SYT1: variants seen among roughly 807,000 people sequenced by gnomAD.
The protein encoded by SYT1 is synaptotagmin-1.
Under a neutral mutation model 44.8 loss-of-function variants are expected in SYT1, and 8 were observed. The observed-to-expected ratio is 0.18, with a 90% CI of 0.10 to 0.32. SYT1 has a LOEUF of 0.32. Among genes scored for constraint, SYT1 ranks in the 10% least tolerant of loss-of-function variants. The pLI, the probability that SYT1 is intolerant of heterozygous loss-of-function variation, is 1.00. For synonymous variants in SYT1, 154 were observed against 188.8 expected, an observed-to-expected ratio of 0.82 and a Z score of 1.51; for missense variants, 286 against 509.3, an observed-to-expected ratio of 0.56 and a Z score of 4.22.
intron 9 of SYT1, among the ~76,000 whole-genome samples, chr12:79,381,934 A>G (rs1197665789): frequency 6.6e-6 from 1 of 152,200 alleles, no homozygotes; most frequent in East Asian, 1.9e-4. Context: ...AGGGGCGTCT[A>G]TCTGGCTAGG....
chr12:79,375,406 G>A (rs1883953840), intron 9 of SYT1, among the ~76,000 whole-genome samples: 1 of 152,186 alleles, frequency 6.6e-6, no homozygotes, highest in Non-Finnish European at 1.5e-5. Context: ...GCTAAGAAAT[G>A]AAGTTAGAGA....
At chr12:79,387,057 A>G (rs1009703170) in intron 9 of SYT1, among the ~76,000 whole-genome samples, 3 of 152,222 alleles carry the variant, frequency 2.0e-5, no homozygotes, top group Admixed American at 1.3e-4. Context: ...GGAGATAGAT[A>G]TATTATTGCA....
rs370598976 is a variant in SYT1 at position 79,048,711 on chromosome 12, C to T, written c.-18+1349C>T. ...TATTTTGAGTATTCAGAGCAGGTTACGGGCATGTTTACATAGTTCTGGGTA... is the reference window on the plus strand; with the variant it reads ...TATTTTGAGTATTCAGAGCAGGTTATGGGCATGTTTACATAGTTCTGGGTA... On this transcript the variant is annotated intron_variant, in intron 3 of 10. Transcript: ENST00000261205. 1.8e-4 allele frequency among the ~76,000 whole-genome samples: 28 copies of T among 152,006 alleles called. No individual in the cohort carries two copies. The East Asian group carries it at 5.2e-3, about 28-fold the overall frequency.
rs1872061142 is a variant in SYT1, at chr12:79,019,746, G to T, written c.-83-27551G>T. ...TTTCATGTCAGAGAAACATAAAACTGCTGATTAGAGAAACCAGGAGTAAAA... is the reference window on the plus strand; with the variant it reads ...TTTCATGTCAGAGAAACATAAAACTTCTGATTAGAGAAACCAGGAGTAAAA... On this transcript the variant is annotated intron_variant, in intron 2 of 10. Transcript: ENST00000261205. 1.3e-5 allele frequency among the ~76,000 whole-genome samples: 2 copies of T among 151,864 alleles called. 1 individual carries two copies. The highest frequency in any genetic ancestry group is 4.1e-4 in the South Asian group (2 of 4,824).
intron 2 of SYT1, among the ~76,000 whole-genome samples, chr12:78,997,151 G>A (rs1484385507): frequency 6.6e-6 from 1 of 152,146 alleles, no homozygotes; most frequent in Non-Finnish European, 1.5e-5. Context: ...AAAGTTATTT[G>A]ATTTTTCTAT....
intron 4 of SYT1, among the ~76,000 whole-genome samples, chr12:79,235,414 G>A (rs888430224): frequency 2.0e-5 from 3 of 151,862 alleles, no homozygotes; most frequent in African/African-American, 7.2e-5. Flanking sequence ...AGAAAATATA[G>A]ACAATAATTT....
chr12:79,139,171 C>T (rs763651084), intron 3 of SYT1, among the ~76,000 whole-genome samples: 7 of 152,130 alleles, frequency 4.6e-5, no homozygotes, highest in Non-Finnish European at 1.0e-4. Context: ...CAGCTCACAG[C>T]CTCATTCCTT....
At chr12:79,141,426 T>C (rs1049231070) in intron 3 of SYT1, among the ~76,000 whole-genome samples, 4 of 152,150 alleles carry the variant, frequency 2.6e-5, no homozygotes, top group Admixed American at 6.5e-5. Flanking sequence ...ATATATATAA[T>C]ATTAGACATG....
At chr12:79,090,270 T>C (rs1355786309) in intron 3 of SYT1, among the ~76,000 whole-genome samples, 2 of 152,084 alleles carry the variant, frequency 1.3e-5, no homozygotes, top group African/African-American at 4.8e-5. Flanking sequence ...TACAGCCTGT[T>C]CAAATTTTGA....
chr12:79,016,902 C>T (rs1388995212), intron 2 of SYT1, among the ~76,000 whole-genome samples: 6 of 151,992 alleles, frequency 3.9e-5, no homozygotes. Flanking sequence ...AAATCCACTC[C>T]ACTATGTACT....
At position 79,146,075 on chromosome 12, in the gene SYT1, T is replaced by G. The variant is rs556522267; in HGVS notation, c.-17-71428T>G. Among the ~76,000 whole-genome samples, 3 of 152,244 alleles carry G rather than the reference T, an allele frequency of 2.0e-5. No individual in the cohort carries two copies. In the East Asian group the frequency reaches 5.8e-4, roughly 29 times the overall value. ...CCCGGCCTAAACATAGTGTTTTAAGTCCTGTGGAGGAGAGGGAAAAGCAAA... is the reference window on the plus strand; with the variant it reads ...CCCGGCCTAAACATAGTGTTTTAAGGCCTGTGGAGGAGAGGGAAAAGCAAA... On this transcript the variant is annotated intron_variant, in intron 3 of 10. Coordinates refer to ENST00000261205, the MANE Select transcript of SYT1 (RefSeq NM_005639.3).
chr12:78,947,521 G>T (rs1165930744), intron 1 of SYT1, among the ~76,000 whole-genome samples: 1 of 49,960 alleles, frequency 2.0e-5, no homozygotes, highest in East Asian at 1.1e-3. Flanking sequence ...GTTGAATCTA[G>T]TAAAAAAAAA....
intron 8 of SYT1, among the ~76,000 whole-genome samples, chr12:79,334,856 A>G (rs1201671279): frequency 1.3e-5 from 2 of 152,154 alleles, no homozygotes; most frequent in Non-Finnish European, 2.9e-5. Context: ...AGGTCAGGTT[A>G]TGTTTAACCA....
At chr12:79,308,548 G>GAAAGA in intron 8 of SYT1, among the ~76,000 whole-genome samples, 1 of 122,536 alleles carries the variant, frequency 8.2e-6, no homozygotes, top group Middle Eastern at 4.1e-3. Context: ...AAGAAAGAAA[G>GAAAGA]AAAAAAGAAA....
intron 9 of SYT1, among the ~76,000 whole-genome samples, chr12:79,408,844 C>A (rs940060119): frequency 2.0e-5 from 3 of 151,370 alleles, no homozygotes; most frequent in African/African-American, 7.3e-5. Flanking sequence ...TTTGTAATAG[C>A]TCTAAATTCT....
chr12:79,181,006 A>G (rs1872508269), intron 3 of SYT1, among the ~76,000 whole-genome samples: 1 of 152,000 alleles, frequency 6.6e-6, no homozygotes, highest in Non-Finnish European at 1.5e-5. Flanking sequence ...TTCACTCTGC[A>G]TTCTCCTTGC....
chr12:79,129,186 A>T (rs1277569563), intron 3 of SYT1, among the ~76,000 whole-genome samples: 1 of 152,198 alleles, frequency 6.6e-6, no homozygotes, highest in African/African-American at 2.4e-5. Flanking sequence ...GGCATGACTC[A>T]TAAAGCCTTT....
At chr12:79,246,922 GA>G (rs1437244959) in intron 4 of SYT1, among the ~76,000 whole-genome samples, 2 of 152,194 alleles carry the variant, frequency 1.3e-5, no homozygotes, top group Non-Finnish European at 2.9e-5. Context: ...CCAGTGGCTG[GA>G]ACATAAGGGT....
At chr12:79,296,596 A>T (rs2138868670) in intron 7 of SYT1, among the ~76,000 whole-genome samples, 2 of 152,342 alleles carry the variant, frequency 1.3e-5, no homozygotes, top group Middle Eastern at 3.4e-3. Context: ...CAATCCCAGG[A>T]TTAAGTAAGC....
Sources: allele counts gnomAD v4.1 joint callset (sites outside exome capture counted in the v4.1 genomes callset), GRCh38; gene constraint gnomAD v4.1.1; transcripts MANE v1.5; gene names NCBI Gene and HGNC (gene_info 2026-07-23, HGNC 2026-07-21).